Variants in ZNF43 observed in about 807,000 individuals in gnomAD.
The protein encoded by ZNF43 is zinc finger protein 43.
ZNF43 carries 44 observed loss-of-function variants against 68.4 expected under a neutral mutation model. That is an observed-to-expected ratio of 0.64 (90% CI 0.51 to 0.83). The LOEUF (loss-of-function observed/expected upper bound fraction) is 0.83. ZNF43 is among the 40% of genes least tolerant of loss of function. ZNF43 has a pLI of 0.00. For missense variants in ZNF43, 896 were observed against 933.2 expected (o/e 0.96, Z 0.52); for synonymous variants, 308 against 307.8 (o/e 1.00, Z -0.01).
chr19:21,815,023 A>G (rs2037453512), intron 3 of ZNF43, among the ~76,000 whole-genome samples: 1 of 152,040 alleles, frequency 6.6e-6, no homozygotes, highest in Non-Finnish European at 1.5e-5. Flanking sequence ...CCCTGTCTCT[A>G]CTAAAAATAC....
At chr19:21,829,913 A>C (rs2038339671) in intron 1 of ZNF43, among the ~76,000 whole-genome samples, 1 of 152,202 alleles carries the variant, frequency 6.6e-6, no homozygotes, top group South Asian at 2.1e-4. Context: ...AGGACAAGAA[A>C]TGAAAATCAG....
At chr19:21,812,680 G>A (rs947047752) in intron 3 of ZNF43, among the ~76,000 whole-genome samples, 2 of 152,038 alleles carry the variant, frequency 1.3e-5, no homozygotes, top group Non-Finnish European at 2.9e-5. Context: ...GGTAGGTACA[G>A]TGGCTCACAT....
chr19:21,819,066 T>C, intron 2 of ZNF43, 29 bp downstream of exon 2: 1 of 1,596,820 alleles, frequency 6.3e-7, no homozygotes, highest in East Asian at 2.3e-5. Context: ...TAGGGTATAT[T>C]AGGAATTGAG....
At chr19:21,809,853 A>T (rs1381901602) in intron 3 of ZNF43, 46 bp from the exon 4 acceptor site, 1 of 1,463,494 alleles carries the variant, frequency 6.8e-7, no homozygotes, top group South Asian at 1.5e-5. Flanking sequence ...CTAGACTCAG[A>T]GATAAATATA....
chr19:21,833,070 C>A (rs757347728), intron 1 of ZNF43, among the ~76,000 whole-genome samples: 13 of 151,968 alleles, frequency 8.6e-5, no homozygotes, highest in Non-Finnish European at 1.9e-4. Flanking sequence ...ACTTATATAC[C>A]ACGTTTTCTT....
chr19:21,807,745 A>T lies in ZNF43; in HGVS notation c.2292T>A (p.Cys764Ter). 3.1e-6 allele frequency: 5 copies of T among 1,613,630 alleles called. No homozygotes were observed. The highest frequency in any genetic ancestry group is 4.2e-6 in the Non-Finnish European group (5 of 1,179,782). The part of the protein sequence containing the change: ...RIHTKEQPYK[C>*]KECGKAFNQY... ...GGTTGAAAGCTTTGCCACATTCTTT[A>T]CATTTGTAGGGTTGCTCTTTAGTAT... The change falls in exon 4 of 4, where the codon TGT (cysteine) becomes TGA (stop). Residue 764 changes from cysteine to a stop codon, truncating the protein, a stop_gained. Transcript: ENST00000354959. LOFTEE classifies it high-confidence loss of function.
rs924804514 is a variant in ZNF43 at position 21,836,113 on chromosome 19, C to A, written c.-75G>T. On this transcript the variant is annotated 5_prime_UTR_variant, in exon 1 of 4. Transcript: ENST00000354959. ...CCCGCAGGTCACAGAGCCACAGAGG[C>A]TGGACCTCTAGCAGCAGAGGACACA... The A allele has an allele frequency of 1.2e-5, 20 of 1,610,270 alleles. No individual in the cohort carries two copies. Among genetic ancestry groups the A allele is most frequent in the Non-Finnish European group, 1.6e-5 (19 of 1,177,650 alleles).
chr19:21,809,352 GT>G lies in ZNF43; in HGVS notation c.684del (p.Lys228AsnfsTer51). 6.2e-7 allele frequency: 1 copy of G among 1,613,774 alleles called. No individual in the cohort carries two copies. The highest frequency in any genetic ancestry group is 1.3e-5 in the African/African-American group (1 of 74,984). ...TTGCCACATTCTTCACATGTGTAGGGTTTCTCTCCAGTATTAATTCTCTTAT... is the reference window on the plus strand; with the variant it reads ...TTGCCACATTCTTCACATGTGTAGGGTTCTCTCCAGTATTAATTCTCTTAT... ...TKHKRINTGE[K>X]PYTCEECGKV... On this transcript the variant is annotated frameshift_variant, in exon 4 of 4. Transcript: ENST00000354959. LOFTEE classifies it high-confidence loss of function.
chr19:21,827,417 A>G (rs1363627532), intron 1 of ZNF43: 2 of 151,552 alleles, frequency 1.3e-5, no homozygotes, highest in East Asian at 3.9e-4. Flanking sequence ...GCTGGAGTTC[A>G]ATGGTGCGAT....
rs559334964 is a variant in ZNF43 at position 21,806,082 on chromosome 19, G to A, written c.*1525C>T. The A allele has an allele frequency of 6.6e-6, 1 of 151,018 alleles. No homozygotes were observed. The highest frequency in any genetic ancestry group is 1.5e-5 in the Non-Finnish European group (1 of 67,912). The allele number at this position is 151,018 out of a possible 1,614,324, so 9.4% of individuals were successfully genotyped here. ...AAACTTTTGTCACTATAATGCAGAA[G>A]AATATTACTCTGAAAACCTATCTCC... On this transcript the variant is annotated 3_prime_UTR_variant, in exon 4 of 4. Coordinates refer to ENST00000354959, the MANE Select transcript of ZNF43 (RefSeq NM_003423.4).
Position 21,807,971 on chromosome 19 carries a change from A to G in ZNF43, c.2066T>C (p.Leu689Pro), listed in dbSNP as rs879105285. The G allele has an allele frequency of 1.3e-6, 2 of 1,598,214 alleles. No homozygotes were observed. The highest frequency in any genetic ancestry group is 1.7e-6 in the Non-Finnish European group (2 of 1,175,092). Residue 689 changes from leucine (L) to proline (P), a missense_variant, in exon 4 of 4, where the codon CTG (leucine) becomes CCG (proline). By Grantham distance (98) the Leu-to-Pro change is moderately conservative (BLOSUM62 -3). Coordinates refer to ENST00000354959, the MANE Select transcript of ZNF43 (RefSeq NM_003423.4). ...KCEECGKAFK[L>P]SSTLSTHKII... The stretch of plus-strand genomic sequence containing the variant: ...CTTATGTGTAGAAAGGGTTGAGGAC[A>G]GTTTAAAAGCTTTGCCACATTCTTC...
intron 3 of ZNF43, among the ~76,000 whole-genome samples, chr19:21,816,036 G>T (rs2037511292): frequency 6.6e-6 from 1 of 151,430 alleles, no homozygotes; most frequent in Admixed American, 6.6e-5. Flanking sequence ...ACTCCAGCCT[G>T]GGCAACAGAG....
intron 1 of ZNF43, among the ~76,000 whole-genome samples, chr19:21,821,110 C>A (rs564406730): frequency 4.4e-4 from 65 of 149,270 alleles, no homozygotes; most frequent in Non-Finnish European, 8.1e-4. Context: ...GGTGGGATTA[C>A]AGGCATGAGC....
chr19:21,830,234 C>T (rs572389035), intron 1 of ZNF43, among the ~76,000 whole-genome samples: 161 of 150,862 alleles, frequency 1.1e-3, no homozygotes, highest in African/African-American at 3.7e-3. Context: ...TGCCACTGCA[C>T]TCCAGCCTGG....
chr19:21,816,060 CAAA>C (rs60910156), intron 3 of ZNF43, among the ~76,000 whole-genome samples: 1 of 108,012 alleles, frequency 9.3e-6, no homozygotes, highest in Non-Finnish European at 2.0e-5. Flanking sequence ...GACTCTGACG[CAAA>C]AAAAAAAAAG....
Position 21,808,687 on chromosome 19 carries a change from T to A in ZNF43, c.1350A>T (p.Gly450=). The part of the protein sequence containing the change: ...TLTKHNRIHT[G]EKPYKCEVCG... The stretch of plus-strand genomic sequence containing the variant: ...ATACTTCACATTTGTAGGGTTTCTC[T>A]CCAGTATGAATTCTGTTATGTTTAG... The change falls in exon 4 of 4, where the codon GGA becomes GGT. Residue 450 remains glycine (G), a synonymous_variant. Transcript: ENST00000354959. The A allele has an allele frequency of 6.2e-7, 1 of 1,613,510 alleles. No individual in the cohort carries two copies. Among genetic ancestry groups the A allele is most frequent in the Non-Finnish European group, 8.5e-7 (1 of 1,179,844 alleles).
intron 1 of ZNF43, among the ~76,000 whole-genome samples, chr19:21,849,007 C>T (rs1414421458): frequency 6.6e-6 from 1 of 152,122 alleles, no homozygotes; most frequent in Non-Finnish European, 1.5e-5. Context: ...CATATAACAG[C>T]CACAATTTTA....
chr19:21,820,335 T>C (rs1401321729), intron 1 of ZNF43, among the ~76,000 whole-genome samples: 1 of 138,080 alleles, frequency 7.2e-6, no homozygotes, highest in African/African-American at 3.1e-5. Flanking sequence ...ATCCCAGCAC[T>C]TTGGGAGGTC....
chr19:21,837,413 TA>T (rs1568384026), upstream of ZNF43, among the ~76,000 whole-genome samples: 7 of 141,322 alleles, frequency 5.0e-5, no homozygotes, highest in African/African-American at 1.9e-4. Context: ...TGCCTACACT[TA>T]CTTTTTTTTT....
Sources: allele counts gnomAD v4.1 joint callset (sites outside exome capture counted in the v4.1 genomes callset), GRCh38; gene constraint gnomAD v4.1.1; transcripts MANE v1.5; gene names NCBI Gene and HGNC (gene_info 2026-07-23, HGNC 2026-07-21).